BCKDHB: variants seen among roughly 807,000 people sequenced by gnomAD.
BCKDHB encodes 2-oxoisovalerate dehydrogenase subunit beta, mitochondrial.
In BCKDHB, 41 loss-of-function variants were observed where a neutral mutation model predicts 48.5. The ratio of observed to expected loss-of-function variants is 0.85; its 90% confidence interval spans 0.66 to 1.10. The LOEUF (loss-of-function observed/expected upper bound fraction) is 1.10, where lower values mean the gene tolerates loss of function less well. Ranked by LOEUF, BCKDHB falls within the 50% of genes least tolerant of loss-of-function variation. BCKDHB has a pLI of 0.00. For missense variants in BCKDHB, 496 were observed against 494.2 expected (o/e 1.00, Z -0.03); for synonymous variants, 201 against 174.8 (o/e 1.15, Z -1.18).
At chr6:80,227,693 G>A (rs1390522375) in intron 8 of BCKDHB, among the ~76,000 whole-genome samples, 1 of 152,134 alleles carries the variant, frequency 6.6e-6, no homozygotes, top group Admixed American at 6.5e-5. Context: ...TTAGGTATGT[G>A]ACCGTAAAAT....
the BCKDHB span, among the ~76,000 whole-genome samples, chr6:80,423,544 T>C: frequency 6.6e-6 from 1 of 152,316 alleles, no homozygotes; most frequent in East Asian, 1.9e-4. Context: ...ACCATTTGGG[T>C]TACATAGTTA....
chr6:80,129,981 C>T lies in BCKDHB; in HGVS notation c.343+752C>T, dbSNP rs577061562. 7.6e-4 allele frequency among the ~76,000 whole-genome samples: 115 copies of T among 152,266 alleles called. 1 individual carries two copies. The highest frequency in any genetic ancestry group is 3.7e-3 in the Admixed American group (56 of 15,290). On this transcript the variant is annotated intron_variant, in intron 3 of 9. Coordinates refer to ENST00000320393, the MANE Select transcript of BCKDHB (RefSeq NM_183050.4). ...CCTGGTCAAGTTGACATATAATGAA[C>T]CATCACATTATCCTTCTTACATGTT... is the stretch of plus-strand genomic sequence containing the variant.
At chr6:80,225,749 T>C (rs1028487136) in intron 8 of BCKDHB, among the ~76,000 whole-genome samples, 8 of 152,176 alleles carry the variant, frequency 5.3e-5, no homozygotes, top group African/African-American at 1.9e-4. Flanking sequence ...TGTTAACTTA[T>C]TTTTTTCCCC....
chr6:80,261,924 G>C (rs992203619), intron 8 of BCKDHB, among the ~76,000 whole-genome samples: 7 of 152,058 alleles, frequency 4.6e-5, no homozygotes, highest in Admixed American at 4.6e-4. Flanking sequence ...GTATCAGTTT[G>C]TACAGGCTCA....
At chr6:80,323,045 A>C (rs1408649146) in intron 9 of BCKDHB, among the ~76,000 whole-genome samples, 3 of 152,106 alleles carry the variant, frequency 2.0e-5, no homozygotes, top group Non-Finnish European at 4.4e-5. Context: ...GATTTCAGAT[A>C]CTGTTCTGCC....
At chr6:80,330,203 AC>A (rs1415578840) in intron 9 of BCKDHB, among the ~76,000 whole-genome samples, 3 of 152,134 alleles carry the variant, frequency 2.0e-5, no homozygotes, top group Non-Finnish European at 4.4e-5. Flanking sequence ...ACTTTGGGGA[AC>A]CAGGAAAACC....
At chr6:80,177,225 C>CAAAAA (rs575991853) in intron 6 of BCKDHB, among the ~76,000 whole-genome samples, 12 of 43,160 alleles carry the variant, frequency 2.8e-4, no homozygotes, top group African/African-American at 4.8e-4. Context: ...GACCTTGTCT[C>CAAAAA]AAAAAAAAAA....
chr6:80,209,599 T>C (rs955199294), intron 8 of BCKDHB, among the ~76,000 whole-genome samples: 6 of 152,092 alleles, frequency 3.9e-5, no homozygotes, highest in Middle Eastern at 3.4e-3. Context: ...GTTTTCTCAA[T>C]AGAGGATGTT....
chr6:80,416,519 C>T, the BCKDHB span, among the ~76,000 whole-genome samples: 4 of 151,900 alleles, frequency 2.6e-5, no homozygotes, highest in Admixed American at 6.6e-5. Flanking sequence ...TTGATTTCTG[C>T]TTTAATTTCA....
At chr6:80,152,666 C>T (rs1035074021) in intron 3 of BCKDHB, among the ~76,000 whole-genome samples, 2 of 152,146 alleles carry the variant, frequency 1.3e-5, no homozygotes, top group African/African-American at 4.8e-5. Flanking sequence ...AGTTAAGAAA[C>T]ACTAGTAGTT....
intron 3 of BCKDHB, among the ~76,000 whole-genome samples, chr6:80,149,570 A>T (rs1214119941): frequency 6.6e-6 from 1 of 151,642 alleles, no homozygotes; most frequent in African/African-American, 2.4e-5. Flanking sequence ...AAAGACTTGG[A>T]ACCAACCCAA....
intron 1 of BCKDHB, among the ~76,000 whole-genome samples, chr6:80,110,495 C>T (rs1769357415): frequency 6.6e-6 from 1 of 152,204 alleles, no homozygotes; most frequent in African/African-American, 2.4e-5. Context: ...AGATTCCTCT[C>T]TAAGGCCCAG....
chr6:80,420,670 A>G, the BCKDHB span, among the ~76,000 whole-genome samples: 2 of 152,286 alleles, frequency 1.3e-5, no homozygotes, highest in South Asian at 2.1e-4. Flanking sequence ...AGCAAGATTC[A>G]TGGCCAGCTG....
the BCKDHB span, chr6:80,356,372 G>A: frequency 6.6e-6 from 1 of 152,140 alleles, no homozygotes; most frequent in African/African-American, 2.4e-5. Context: ...CATTGCCTAG[G>A]ATAATATGGT....
chr6:80,153,551 A>G (rs1358544270), intron 3 of BCKDHB, among the ~76,000 whole-genome samples: 4 of 152,072 alleles, frequency 2.6e-5, no homozygotes, highest in Non-Finnish European at 4.4e-5. Context: ...CTCAGTGCCA[A>G]TTGTCAGGGG....
chr6:80,235,577 A>G (rs1776115489), intron 8 of BCKDHB, among the ~76,000 whole-genome samples: 1 of 152,162 alleles, frequency 6.6e-6, no homozygotes, highest in African/African-American at 2.4e-5. Context: ...GGTTAATCTG[A>G]TATTAAACCC....
chr6:80,429,040 A>C, the BCKDHB span, among the ~76,000 whole-genome samples: 1 of 152,144 alleles, frequency 6.6e-6, no homozygotes, highest in East Asian at 1.9e-4. Context: ...TCTTGAGATA[A>C]TTTTTGTATA....
intron 9 of BCKDHB, among the ~76,000 whole-genome samples, chr6:80,315,429 A>G (rs1330356300): frequency 6.6e-6 from 1 of 151,696 alleles, no homozygotes; most frequent in South Asian, 2.1e-4. Context: ...ACCTCACCAT[A>G]CTTTTCTTCA....
chr6:80,290,376 CATGG>C, intron 9 of BCKDHB, among the ~76,000 whole-genome samples: 1 of 152,322 alleles, frequency 6.6e-6, no homozygotes, highest in East Asian at 1.9e-4. Flanking sequence ...ACAAAAGAAA[CATGG>C]GCACAGCATC....
Sources: gnomAD v4.1 joint callset for allele counts (sites outside exome capture counted in the v4.1 genomes callset) on GRCh38, gnomAD v4.1.1 for gene constraint, MANE v1.5 for transcripts, NCBI Gene and HGNC (gene_info 2026-07-23, HGNC 2026-07-21) for gene names.